The following ENOX1 variants were observed in gnomAD, a reference collection of about 807,000 sequenced individuals.
The protein encoded by ENOX1 is ecto-NOX disulfide-thiol exchanger 1.
ENOX1 carries 42 observed loss-of-function variants against 82.5 expected under a neutral mutation model. The ratio of observed to expected loss-of-function variants is 0.51; its 90% CI spans 0.40 to 0.66. The LOEUF is 0.66. ENOX1 is among the 30% of genes least tolerant of loss of function. The pLI is 0.00. For missense variants in ENOX1, 608 were observed against 811.6 expected, an observed-to-expected ratio of 0.75 and a Z score of 3.05; for synonymous variants, 271 against 282.2, an observed-to-expected ratio of 0.96 and a Z score of 0.40.
At chr13:43,734,022 A>G (rs2089482050) in intron 1 of ENOX1, among the ~76,000 whole-genome samples, 1 of 152,192 alleles carries the variant, frequency 6.6e-6, no homozygotes, top group Non-Finnish European at 1.5e-5. Context: ...ACACCTTGTG[A>G]CAGTGGAAGC....
At chr13:43,452,753 C>A (rs2057034816) in intron 3 of ENOX1, among the ~76,000 whole-genome samples, 1 of 152,146 alleles carries the variant, frequency 6.6e-6, no homozygotes, top group Non-Finnish European at 1.5e-5. Context: ...AAACTCCTGA[C>A]CTCAAGTGAT....
At chr13:43,598,306 T>A (rs1449220052) in intron 2 of ENOX1, among the ~76,000 whole-genome samples, 1 of 152,142 alleles carries the variant, frequency 6.6e-6, no homozygotes, top group Non-Finnish European at 1.5e-5. Flanking sequence ...AGAGTTTTTG[T>A]CCATTTTGCT....
chr13:43,645,561 A>G (rs1260552042), intron 2 of ENOX1, among the ~76,000 whole-genome samples: 3 of 152,226 alleles, frequency 2.0e-5, no homozygotes, highest in Non-Finnish European at 2.9e-5. Context: ...AGAGACAACC[A>G]ATCATATGCC....
intron 1 of ENOX1, among the ~76,000 whole-genome samples, chr13:43,673,626 C>T (rs1410826827): frequency 6.6e-6 from 1 of 152,208 alleles, no homozygotes; most frequent in Non-Finnish European, 1.5e-5. Context: ...TCTCTGTGCC[C>T]CACAGGGCAT....
intron 12 of ENOX1, among the ~76,000 whole-genome samples, chr13:43,279,193 T>C (rs144290218): frequency 6.6e-6 from 1 of 152,306 alleles, no homozygotes; most frequent in African/African-American, 2.4e-5. Flanking sequence ...ATTCCCATAA[T>C]CCACTGGAGT....
At chr13:43,319,421 T>C (rs2047686724) in intron 11 of ENOX1, among the ~76,000 whole-genome samples, 1 of 152,152 alleles carries the variant, frequency 6.6e-6, no homozygotes, top group African/African-American at 2.4e-5. Context: ...TGAAATATTC[T>C]TCATAACCAA....
At chr13:43,554,217 C>G (rs74827389) in intron 2 of ENOX1, among the ~76,000 whole-genome samples, 1 of 151,914 alleles carries the variant, frequency 6.6e-6, no homozygotes, top group East Asian at 1.9e-4. Flanking sequence ...ATATGGAATG[C>G]GAAAGGCAGG....
At chr13:43,780,793 T>C (rs1952211722) in intron 1 of ENOX1, among the ~76,000 whole-genome samples, 1 of 152,238 alleles carries the variant, frequency 6.6e-6, no homozygotes, top group Non-Finnish European at 1.5e-5. Flanking sequence ...CTGGGGCTTT[T>C]GAGATGCTCA....
chr13:43,278,187 A>C (rs781261454), intron 12 of ENOX1, among the ~76,000 whole-genome samples: 4 of 152,164 alleles, frequency 2.6e-5, no homozygotes, highest in Non-Finnish European at 5.9e-5. Context: ...TATGTATGTA[A>C]TCTTCAAATT....
At chr13:43,740,668 T>C (rs1261030026) in intron 1 of ENOX1, among the ~76,000 whole-genome samples, 1 of 152,092 alleles carries the variant, frequency 6.6e-6, no homozygotes, top group African/African-American at 2.4e-5. Context: ...AGAAACCCCA[T>C]ATCCATCAGC....
At chr13:43,321,304 C>T (rs1439305260) in intron 11 of ENOX1, among the ~76,000 whole-genome samples, 1 of 152,158 alleles carries the variant, frequency 6.6e-6, no homozygotes, top group Admixed American at 6.5e-5. Context: ...CTAATAAGTT[C>T]CTAGATGATG....
chr13:43,413,954 A>T (rs760633473), intron 3 of ENOX1, among the ~76,000 whole-genome samples: 1 of 151,942 alleles, frequency 6.6e-6, no homozygotes, highest in Non-Finnish European at 1.5e-5. Context: ...ATTAGATATA[A>T]CAACTAAGTC....
intron 1 of ENOX1, among the ~76,000 whole-genome samples, chr13:43,723,207 CT>C (rs978033289): frequency 1.8e-4 from 27 of 152,196 alleles, no homozygotes; most frequent in African/African-American, 6.0e-4. Flanking sequence ...TACTATATAG[CT>C]TTTTATATTT....
At chr13:43,222,858 C>T (rs575304781) in intron 16 of ENOX1, among the ~76,000 whole-genome samples, 3 of 152,204 alleles carry the variant, frequency 2.0e-5, no homozygotes, top group African/African-American at 7.2e-5. Flanking sequence ...TCTTTCTTAC[C>T]TGTGCATGTG....
chr13:43,288,411 A>G (rs1306431931), intron 12 of ENOX1, among the ~76,000 whole-genome samples: 1 of 152,210 alleles, frequency 6.6e-6, no homozygotes, highest in East Asian at 1.9e-4. Context: ...TCAGATAAAC[A>G]TGGGGTATGT....
intron 6 of ENOX1, 136 bp downstream of exon 6, chr13:43,361,143 A>G: frequency 3.5e-6 from 3 of 848,054 alleles, no homozygotes; most frequent in Non-Finnish European, 5.4e-6. Flanking sequence ...CTAGAGACAA[A>G]AGGCCTTCTG....
At chr13:43,482,653 G>GAAAA (rs59362618) in intron 3 of ENOX1, among the ~76,000 whole-genome samples, 2 of 149,922 alleles carry the variant, frequency 1.3e-5, no homozygotes. Flanking sequence ...CACAATAAAT[G>GAAAA]AAAAAAAAAA....
intron 1 of ENOX1, among the ~76,000 whole-genome samples, chr13:43,710,513 A>T (rs933646544): frequency 6.6e-6 from 1 of 152,166 alleles, no homozygotes; most frequent in Non-Finnish European, 1.5e-5. Context: ...TAATTGAAAA[A>T]CTTTAGACAC....
intron 1 of ENOX1, among the ~76,000 whole-genome samples, chr13:43,695,602 C>T (rs1320398869): frequency 2.6e-5 from 4 of 151,960 alleles, no homozygotes; most frequent in East Asian, 1.9e-4. Flanking sequence ...CATGCACCAC[C>T]GTGCCCAGCT....
Sources: gnomAD v4.1 joint callset for allele counts (sites outside exome capture counted in the v4.1 genomes callset) on GRCh38, gnomAD v4.1.1 for gene constraint, MANE v1.5 for transcripts, NCBI Gene and HGNC (gene_info 2026-07-23, HGNC 2026-07-21) for gene names.